TOP1: variants seen among roughly 807,000 people sequenced by gnomAD.
TOP1 encodes the protein DNA topoisomerase 1.
TOP1 carries 10 observed loss-of-function variants against 111.1 expected under a neutral mutation model. The ratio of observed to expected loss-of-function variants is 0.09; its 90% CI spans 0.06 to 0.15. The LOEUF is 0.15. Ranked by LOEUF, TOP1 falls within the 10% of genes least tolerant of loss-of-function variation. The pLI, the probability that TOP1 is intolerant of heterozygous loss-of-function variation, is 1.00. For synonymous variants in TOP1, 271 were observed against 302.9 expected, an observed-to-expected ratio of 0.89 and a Z score of 1.10; for missense variants, 474 against 926.7, an observed-to-expected ratio of 0.51 and a Z score of 6.34.
intron 3 of TOP1, chr20:41,073,387 A>G: frequency 1.0e-6 from 1 of 977,304 alleles, no homozygotes; most frequent in Non-Finnish European, 1.2e-6. Flanking sequence ...AAAAAAAAAA[A>G]AGAAAGAAAG....
chr20:41,113,077 G>T, intron 14 of TOP1, 152 bp downstream of exon 14: 1 of 795,488 alleles, frequency 1.3e-6, no homozygotes, highest in South Asian at 2.0e-5. Context: ...ACAAAACAAT[G>T]CTTAGCCTTA....
chr20:41,108,298 C>G (rs2034179493), intron 13 of TOP1, among the ~76,000 whole-genome samples: 1 of 152,120 alleles, frequency 6.6e-6, no homozygotes. Context: ...CCCATCTGTG[C>G]TCTATCAAGA....
At position 41,082,947 on chromosome 20, in the gene TOP1, C is replaced by T. The variant is rs2033806214; in HGVS notation, c.508-1515C>T. Among the ~76,000 whole-genome samples, 1 of 152,024 alleles carries T rather than the reference C, an allele frequency of 6.6e-6. No homozygotes were observed. The highest frequency in any genetic ancestry group is 2.4e-5 in the African/African-American group (1 of 41,386). On this transcript the variant is annotated intron_variant, in intron 7 of 20. Transcript: ENST00000361337. This position sits in a 1 kb window ranked among gnomAD's most constrained non-coding sequence, Gnocchi z 4.1. ...CATTTGTTATTATTCTATTTAGCAG[C>T]CCTACCACATAGGGGGAAAAATGCT...
intron 3 of TOP1, among the ~76,000 whole-genome samples, chr20:41,065,809 T>C (rs2033599915): frequency 6.6e-6 from 1 of 152,222 alleles, no homozygotes; most frequent in Admixed American, 6.5e-5. Flanking sequence ...CATCTGTTGA[T>C]GGACACTTGG....
rs1390776991 is a variant in TOP1, at chr20:41,116,377, A to G, written c.1807A>G (p.Lys603Glu). Residue 603 changes from lysine to glutamate, a missense_variant, in exon 17 of 21, where the codon AAA becomes GAA. This residue lies in a region of TOP1 where 18 missense variants were observed against 20.5 expected (regional missense o/e 0.88). Coordinates refer to ENST00000361337, the MANE Select transcript of TOP1 (RefSeq NM_003286.4). This position sits in a 1 kb window ranked among gnomAD's most constrained non-coding sequence, Gnocchi z 5.6. Reference protein sequence around the residue: ...NASITLQQQLKELTAPDENIP... With the variant: ...NASITLQQQLEELTAPDENIP... Reference sequence around the variant, plus strand: ...CTCCATCACGCTACAGCAGCAGCTAAAAGAACTGACAGCCCGTAAGTATTG... The same window carrying G: ...CTCCATCACGCTACAGCAGCAGCTAGAAGAACTGACAGCCCGTAAGTATTG... 6.2e-7 allele frequency: 1 copy of G among 1,614,124 alleles called. No individual in the cohort carries two copies. Among genetic ancestry groups the G allele is most frequent in the South Asian group, 1.1e-5 (1 of 91,076 alleles).
chr20:41,059,085 G>C (rs2033510412), intron 2 of TOP1, among the ~76,000 whole-genome samples: 1 of 152,048 alleles, frequency 6.6e-6, no homozygotes, highest in Non-Finnish European at 1.5e-5. Flanking sequence ...ACCAAGTATT[G>C]CATGTTCTCA....
At chr20:41,070,639 C>T (rs949863431) in intron 3 of TOP1, among the ~76,000 whole-genome samples, 1 of 152,218 alleles carries the variant, frequency 6.6e-6, no homozygotes, top group Admixed American at 6.5e-5. Flanking sequence ...GACTTTGAAG[C>T]TCTCTGTGCT....
chr20:41,097,074 TTTG>T lies in TOP1; in HGVS notation c.731-136_731-134del, dbSNP rs1393667566. The T allele has an allele frequency of 8.0e-6, 6 of 747,530 alleles. No individual in the cohort carries two copies. The Admixed American group carries it at 8.9e-5, about 11-fold the overall frequency. The allele number at this position is 747,530 out of a possible 1,614,324, so 46.3% of individuals were successfully genotyped here. On this transcript the variant is annotated intron_variant, in intron 9 of 20. Coordinates refer to ENST00000361337, the MANE Select transcript of TOP1 (RefSeq NM_003286.4). This position sits in a 1 kb window ranked among gnomAD's most constrained non-coding sequence, Gnocchi z 4.2. ...AGTAGATATAAATCAGTATGTTGTC[TTTG>T]TTGTTGTTGCTACTATGTGTCACCA...
rs1237127118 is a variant in TOP1 at position 41,067,656 on chromosome 20, A to C, written c.155+6166A>C. On this transcript the variant is annotated intron_variant, in intron 3 of 20. Transcript: ENST00000361337. This position sits in a 1 kb window ranked among gnomAD's most constrained non-coding sequence, Gnocchi z 4.0. ...TTGTGGCCATTTGTTAGGAGAAAAC[A>C]AGTGTTTCAGATGTGTTTCTGTGTC... Among the ~76,000 whole-genome samples the C allele has an allele frequency of 2.0e-5, 3 of 152,202 alleles. No homozygotes were observed. Among genetic ancestry groups the C allele is most frequent in the African/African-American group, 7.2e-5 (3 of 41,452 alleles).
Position 41,113,961 on chromosome 20 carries a change from C to T in TOP1, c.1453-9C>T, listed in dbSNP as rs1479455957. 1 of 1,608,302 alleles carries T rather than the reference C, an allele frequency of 6.2e-7. No individual in the cohort carries two copies. Among genetic ancestry groups the T allele is most frequent in the East Asian group, 2.2e-5 (1 of 44,698 alleles). The stretch of plus-strand genomic sequence containing the variant: ...ATTCATGCTCATCTTTTCTTTCTTT[C>T]CTGGGCAGCTTGCTCTGAGAGCAGG... On this transcript the variant is annotated splice_polypyrimidine_tract_variant and intron_variant, in intron 14 of 20. Coordinates refer to ENST00000361337, the MANE Select transcript of TOP1 (RefSeq NM_003286.4).
rs964624017 is a variant in TOP1 at position 41,030,559 on chromosome 20, A to G, written c.58+1104A>G. On this transcript the variant is annotated intron_variant, in intron 2 of 20. Transcript: ENST00000361337. This position sits in a 1 kb window ranked among gnomAD's most constrained non-coding sequence, Gnocchi z 4.1. The stretch of plus-strand genomic sequence containing the variant: ...TTTATTCTTACTGTATTTCCACTTC[A>G]GTTACCCAGGGAAGAGTCCTCCAAT... 6.6e-6 allele frequency among the ~76,000 whole-genome samples: 1 copy of G among 151,296 alleles called. No individual in the cohort carries two copies. Among genetic ancestry groups the G allele is most frequent in the Non-Finnish European group, 1.5e-5 (1 of 67,928 alleles).
chr20:41,054,187 G>A (rs2033440211), intron 2 of TOP1, among the ~76,000 whole-genome samples: 2 of 152,168 alleles, frequency 1.3e-5, no homozygotes, highest in African/African-American at 2.4e-5. Context: ...TTCCTGTGTT[G>A]TGGGAGGGAC....
rs1044862897 is a variant in TOP1 at position 41,030,169 on chromosome 20, T to C, written c.58+714T>C. Among the ~76,000 whole-genome samples, 2 of 152,220 alleles carry C rather than the reference T, an allele frequency of 1.3e-5. No homozygotes were observed. The highest frequency in any genetic ancestry group is 4.8e-5 in the African/African-American group (2 of 41,462). On this transcript the variant is annotated intron_variant, in intron 2 of 20. Transcript: ENST00000361337. This position sits in a 1 kb window ranked among gnomAD's most constrained non-coding sequence, Gnocchi z 4.1. ...GTAGCAGTACCTCCCTAAAGAAAGT[T>C]TGCAAGTTCTCTGTGGGTCACCCAA...
At chr20:41,108,245 T>C (rs2034178970) in intron 13 of TOP1, among the ~76,000 whole-genome samples, 1 of 152,214 alleles carries the variant, frequency 6.6e-6, no homozygotes, top group African/African-American at 2.4e-5. Flanking sequence ...TGTGTCTATA[T>C]TTTACTTACT....
At position 41,098,381 on chromosome 20, in the gene TOP1, G is replaced by A. The variant is rs1371077751; in HGVS notation, c.975+44G>A. 1 of 1,592,820 alleles carries A rather than the reference G, an allele frequency of 6.3e-7. No individual in the cohort carries two copies. Among genetic ancestry groups the A allele is most frequent in the South Asian group, 1.1e-5 (1 of 87,630 alleles). On this transcript the variant is annotated intron_variant, in intron 11 of 20. Coordinates refer to ENST00000361337, the MANE Select transcript of TOP1 (RefSeq NM_003286.4). The surrounding 1 kb of genome is among the most constrained non-coding windows in gnomAD (Gnocchi z 5.7). ...AACCTCTGGAGAATTCTGGAATTGT[G>A]ATTGGTTCATTTAACTTTCTTCTTG...
In TOP1 at chr20:41,034,632, A is replaced by G. The variant is rs1159172885; in HGVS notation, c.58+5177A>G. 6.6e-6 allele frequency among the ~76,000 whole-genome samples: 1 copy of G among 152,208 alleles called. No individual in the cohort carries two copies. The highest frequency in any genetic ancestry group is 1.5e-5 in the Non-Finnish European group (1 of 68,050). On this transcript the variant is annotated intron_variant, in intron 2 of 20. Transcript: ENST00000361337. This position sits in a 1 kb window ranked among gnomAD's most constrained non-coding sequence, Gnocchi z 4.0. ...TAGTTTGCTGAAATGATTTAATAGT[A>G]AATAGATATTGTTGAACATTTTCTG...
At position 41,101,429 on chromosome 20, in the gene TOP1, C is replaced by A. The variant is rs2145953310; in HGVS notation, c.1308+76C>A. On this transcript the variant is annotated intron_variant, in intron 13 of 20. Coordinates refer to ENST00000361337, the MANE Select transcript of TOP1 (RefSeq NM_003286.4). The surrounding 1 kb of genome is among the most constrained non-coding windows in gnomAD (Gnocchi z 4.1). ...TTTGTTGAAATGTAACGTTCTCGTC[C>A]TCTAGAATCACTTTGACAAATTAAA... 1.4e-6 allele frequency: 2 copies of A among 1,428,664 alleles called. No homozygotes were observed. The highest frequency in any genetic ancestry group is 9.5e-7 in the Non-Finnish European group (1 of 1,054,872). 88.5% of individuals were successfully genotyped at this position (1,428,664 alleles called of 1,614,324 possible).
intron 2 of TOP1, among the ~76,000 whole-genome samples, chr20:41,031,598 C>T (rs1784178487): frequency 6.6e-6 from 1 of 152,210 alleles, no homozygotes; most frequent in African/African-American, 2.4e-5. Flanking sequence ...GCATGAATCT[C>T]AGCTCTTTCC....
intron 8 of TOP1, among the ~76,000 whole-genome samples, chr20:41,089,234 C>G (rs2033888639): frequency 6.6e-6 from 1 of 152,042 alleles, no homozygotes. Flanking sequence ...CCATGTTGGC[C>G]AGGCTGGTCT....
Sources: allele counts gnomAD v4.1 joint callset (sites outside exome capture counted in the v4.1 genomes callset), GRCh38; gene constraint gnomAD v4.1.1; regional missense constraint gnomAD v4.1.1; non-coding constraint Gnocchi (gnomAD v3.1); transcripts MANE v1.5; gene names NCBI Gene and HGNC (gene_info 2026-07-23, HGNC 2026-07-21).